LIN52: variants seen among roughly 807,000 people sequenced by gnomAD.
LIN52 encodes the protein protein lin-52 homolog.
In LIN52, 4 loss-of-function variants were observed where a neutral mutation model predicts 18.5. The observed-to-expected ratio is 0.22, with a 90% CI of 0.11 to 0.49. The LOEUF (loss-of-function observed/expected upper bound fraction) is 0.49, where lower values mean the gene tolerates loss of function less well. LIN52 is among the 20% of genes least tolerant of loss of function. The pLI, the probability that LIN52 is intolerant of heterozygous loss-of-function variation, is 0.97. For missense variants in LIN52, 102 were observed against 139.5 expected (o/e 0.73, Z 1.35); for synonymous variants, 34 against 45.5 (o/e 0.75, Z 1.02).
chr14:74,168,249 C>T (rs1452985107), intron 5 of LIN52, among the ~76,000 whole-genome samples: 2 of 152,126 alleles, frequency 1.3e-5, no homozygotes, highest in African/African-American at 4.8e-5. Flanking sequence ...TGAATTGCAC[C>T]ATTGTTTATA....
chr14:74,158,636 G>A (rs912014871), intron 5 of LIN52, among the ~76,000 whole-genome samples: 1 of 151,912 alleles, frequency 6.6e-6, no homozygotes, highest in Non-Finnish European at 1.5e-5. Flanking sequence ...GTGCCACCAC[G>A]CCCGGCTAAT....
chr14:74,191,925 G>C (rs533500843), intron 5 of LIN52, among the ~76,000 whole-genome samples: 101 of 152,120 alleles, frequency 6.6e-4, no homozygotes, highest in African/African-American at 2.3e-3. Flanking sequence ...GTGAGCCACC[G>C]CGCCCGGCCA....
chr14:74,185,950 A>G (rs1470780951), intron 5 of LIN52, among the ~76,000 whole-genome samples: 2 of 152,184 alleles, frequency 1.3e-5, no homozygotes, highest in Admixed American at 1.3e-4. Context: ...GGTAAAATGC[A>G]TATGTAATTT....
chr14:74,191,148 C>T (rs748086740), intron 5 of LIN52, among the ~76,000 whole-genome samples: 2 of 152,244 alleles, frequency 1.3e-5, no homozygotes, highest in Non-Finnish European at 2.9e-5. Flanking sequence ...CACAGGGAAA[C>T]GTTGCACATT....
rs60808992 is a variant in LIN52 at position 74,158,125 on chromosome 14, A to ATT, written c.284-40791_284-40790dup. Among the ~76,000 whole-genome samples, 23 of 147,766 alleles carry ATT rather than the reference A, an allele frequency of 1.6e-4. No homozygotes were observed. In the East Asian group the frequency reaches 1.8e-3, roughly 12 times the overall value. On this transcript the variant is annotated intron_variant, in intron 5 of 5. Coordinates refer to ENST00000555028, the MANE Select transcript of LIN52 (RefSeq NM_001024674.3). ...CACTGCTATATATATATATATATAT[A>ATT]TTTTTTTGAGATAGAGTCTCCCTCT...
intron 5 of LIN52, among the ~76,000 whole-genome samples, chr14:74,173,988 G>T (rs926352854): frequency 2.0e-5 from 3 of 152,138 alleles, no homozygotes; most frequent in African/African-American, 7.2e-5. Context: ...AGAAACCCAG[G>T]TTCTGTTGCC....
Position 74,134,858 on chromosome 14 carries a change from A to G in LIN52, c.283+33620A>G, listed in dbSNP as rs77575855. 3.6e-3 allele frequency among the ~76,000 whole-genome samples: 551 copies of G among 152,328 alleles called. 4 individuals are homozygous for G. The highest frequency in any genetic ancestry group is 0.012 in the African/African-American group (519 of 41,580). Reference sequence around the variant, plus strand: ...AGCAATTCTTAATATAACTGTCTTTAAAAGGCTCTTTAGGATCTCTCTCTT... The same window carrying G: ...AGCAATTCTTAATATAACTGTCTTTGAAAGGCTCTTTAGGATCTCTCTCTT... On this transcript the variant is annotated intron_variant, in intron 5 of 5. Coordinates refer to ENST00000555028, the MANE Select transcript of LIN52 (RefSeq NM_001024674.3).
At chr14:74,165,120 T>C (rs2061242735) in intron 5 of LIN52, among the ~76,000 whole-genome samples, 1 of 152,164 alleles carries the variant, frequency 6.6e-6, no homozygotes. Context: ...AAAGTAATCA[T>C]AGTTAATAAT....
chr14:74,195,806 T>A (rs1437620227), intron 5 of LIN52, among the ~76,000 whole-genome samples: 1 of 152,104 alleles, frequency 6.6e-6, no homozygotes, highest in Non-Finnish European at 1.5e-5. Context: ...CTGTAGCAGG[T>A]CGGTAAGAAT....
intron 5 of LIN52, among the ~76,000 whole-genome samples, chr14:74,171,141 T>C (rs2061268955): frequency 6.7e-6 from 1 of 149,182 alleles, no homozygotes; most frequent in Admixed American, 6.6e-5. Flanking sequence ...CCTAACACTT[T>C]GAGAGGCTGA....
chr14:74,135,173 C>T (rs184396955), intron 5 of LIN52, among the ~76,000 whole-genome samples: 1 of 152,142 alleles, frequency 6.6e-6, no homozygotes, highest in African/African-American at 2.4e-5. Context: ...CAAGCGATTC[C>T]CCTGGCTCAG....
chr14:74,103,192 C>T (rs1357778253), intron 5 of LIN52, among the ~76,000 whole-genome samples: 1 of 152,056 alleles, frequency 6.6e-6, no homozygotes. Flanking sequence ...GATTTTCCTC[C>T]CTCAGCCTCC....
At chr14:74,090,168 T>G (rs539773252) in intron 1 of LIN52, among the ~76,000 whole-genome samples, 12 of 151,686 alleles carry the variant, frequency 7.9e-5, no homozygotes, top group Non-Finnish European at 1.2e-4. Flanking sequence ...ACAGGTGTGT[T>G]CCCCCATGCC....
chr14:74,119,287 G>T (rs529625705), intron 5 of LIN52, among the ~76,000 whole-genome samples: 5 of 149,484 alleles, frequency 3.3e-5, no homozygotes, highest in African/African-American at 9.8e-5. Context: ...TCAGCCTCCC[G>T]AATAGCTAGG....
At chr14:74,155,357 C>T (rs1227964526) in intron 5 of LIN52, among the ~76,000 whole-genome samples, 1 of 152,218 alleles carries the variant, frequency 6.6e-6, no homozygotes, top group African/African-American at 2.4e-5. Context: ...ATATGGACGC[C>T]TCAGGAATTC....
At chr14:74,186,315 C>CAAAA (rs1369791628) in intron 5 of LIN52, among the ~76,000 whole-genome samples, 2 of 151,610 alleles carry the variant, frequency 1.3e-5, no homozygotes, top group South Asian at 4.2e-4. Context: ...AACAAACAAA[C>CAAAA]AAAAAACTGA....
rs991696916 is a variant in LIN52 at position 74,158,273 on chromosome 14, C to T, written c.284-40649C>T. 1.5e-4 allele frequency among the ~76,000 whole-genome samples: 23 copies of T among 151,634 alleles called. No homozygotes were observed. The East Asian group carries it at 2.0e-3, about 13-fold the overall frequency. On this transcript the variant is annotated intron_variant, in intron 5 of 5. Transcript: ENST00000555028. ...GGATTACAGGTGCGCGTCACATGCC[C>T]GGCTAATTTTTGTATTTTTAGTAGA...
intron 5 of LIN52, among the ~76,000 whole-genome samples, chr14:74,181,382 G>A (rs1271348126): frequency 6.6e-6 from 1 of 151,086 alleles, no homozygotes; most frequent in Non-Finnish European, 1.5e-5. Context: ...TGAGGCTGCA[G>A]CGAGCCATGA....
intron 2 of LIN52, among the ~76,000 whole-genome samples, chr14:74,092,293 A>G (rs1162390133): frequency 1.0e-5 from 1 of 95,974 alleles, no homozygotes; most frequent in Non-Finnish European, 2.0e-5. Flanking sequence ...TTATTATTAT[A>G]TATATGTATA....
Sources: allele counts gnomAD v4.1 joint callset (sites outside exome capture counted in the v4.1 genomes callset), GRCh38; gene constraint gnomAD v4.1.1; transcripts MANE v1.5; gene names NCBI Gene and HGNC (gene_info 2026-07-23, HGNC 2026-07-21).